Variants in SLCO3A1 observed in about 807,000 individuals in gnomAD.
The protein encoded by SLCO3A1 is solute carrier organic anion transporter family member 3A1, also known as PGE1 transporter.
SLCO3A1 carries 27 observed loss-of-function variants against 63.1 expected under a neutral mutation model. The ratio of observed to expected loss-of-function variants is 0.43; its 90% CI spans 0.32 to 0.59. The LOEUF is 0.59. SLCO3A1 is among the 20% of genes least tolerant of loss of function. The pLI is 0.09. For missense variants in SLCO3A1, 773 were observed against 945.8 expected (o/e 0.82, Z 2.40); for synonymous variants, 473 against 409.9 (o/e 1.15, Z -1.86).
At chr15:91,927,568 C>T (rs1449792005) in intron 2 of SLCO3A1, among the ~76,000 whole-genome samples, 1 of 152,112 alleles carries the variant, frequency 6.6e-6, no homozygotes, top group Non-Finnish European at 1.5e-5. Context: ...CCTCCTATTT[C>T]GGGTGTCGGG....
chr15:91,984,413 A>G (rs901393790), intron 2 of SLCO3A1, among the ~76,000 whole-genome samples: 1 of 152,216 alleles, frequency 6.6e-6, no homozygotes, highest in African/African-American at 2.4e-5. Context: ...ATTTCTGCAA[A>G]GTCTGGATAC....
chr15:92,064,022 C>G (rs944528543), intron 2 of SLCO3A1, among the ~76,000 whole-genome samples: 11 of 152,184 alleles, frequency 7.2e-5, no homozygotes, highest in African/African-American at 2.7e-4. Context: ...TGTGTTTACT[C>G]TGAGGTTATC....
rs115253570 is a variant in SLCO3A1 at position 92,085,666 on chromosome 15, C to T, written c.647-9215C>T. 3.8e-3 allele frequency among the ~76,000 whole-genome samples: 584 copies of T among 152,314 alleles called. 6 individuals carry two copies. Among genetic ancestry groups the T allele is most frequent in the African/African-American group, 0.013 (557 of 41,570 alleles). ...TAAAATCACGTTTTCTTGCCTGAAA[C>T]GTAGATACACAGCTTACACGTTGTT... is the stretch of plus-strand genomic sequence containing the variant. On this transcript the variant is annotated intron_variant, in intron 2 of 9. Transcript: ENST00000318445.
chr15:91,937,683 C>T (rs1180519641), intron 2 of SLCO3A1, among the ~76,000 whole-genome samples: 1 of 147,488 alleles, frequency 6.8e-6, no homozygotes, highest in Non-Finnish European at 1.5e-5. Context: ...CATGCTACTA[C>T]ACTCCAGCCC....
intron 2 of SLCO3A1, among the ~76,000 whole-genome samples, chr15:91,923,736 A>G (rs766355136): frequency 1.3e-5 from 2 of 152,382 alleles, no homozygotes; most frequent in Admixed American, 6.5e-5. Flanking sequence ...GTAGTTAGGT[A>G]TATTTTATTC....
rs755192245 is a variant in SLCO3A1, at chr15:92,163,087, T to C, written c.2085T>C (p.Tyr695=). 1.9e-6 allele frequency: 3 copies of C among 1,545,186 alleles called. No individual in the cohort carries two copies. Among genetic ancestry groups the C allele is most frequent in the Non-Finnish European group, 2.6e-6 (3 of 1,148,094 alleles). ...AGACACATAGGACAAAGTTTATCTA[T>C]AACCTGGAAGACCATGAGTGGTGTG... is the stretch of plus-strand genomic sequence containing the variant. ...ANQTHRTKFI[Y]NLEDHEWCEN... The change falls in exon 10 of 10, where the codon TAT becomes TAC. Residue 695 remains tyrosine, a synonymous_variant. Transcript: ENST00000318445.
intron 8 of SLCO3A1, 43 bp downstream of exon 8, chr15:92,147,202 G>A (rs753009054): frequency 1.3e-5 from 20 of 1,570,794 alleles, no homozygotes; most frequent in African/African-American, 2.7e-5. Flanking sequence ...TTTCCACCTG[G>A]TGTTCATCTG....
Position 92,138,297 on chromosome 15 carries a change from T to C in SLCO3A1, c.1513-8687T>C, listed in dbSNP as rs1441084698. 6.0e-5 allele frequency among the ~76,000 whole-genome samples: 5 copies of C among 83,160 alleles called. 2 individuals are homozygous for C. Among genetic ancestry groups the C allele is most frequent in the Non-Finnish European group, 1.1e-4 (5 of 46,736 alleles). 54.6% of individuals were successfully genotyped at this position (83,160 alleles called of 152,430 possible). The stretch of plus-strand genomic sequence containing the variant: ...ATCAGATAGTTGTAGATATGTGGCG[T>C]TATTTCTGAGGGCTCTGTTCTGTTC... On this transcript the variant is annotated intron_variant, in intron 7 of 9. Transcript: ENST00000318445.
chr15:92,056,188 A>G (rs539906664), intron 2 of SLCO3A1, among the ~76,000 whole-genome samples: 62 of 152,124 alleles, frequency 4.1e-4, no homozygotes, highest in African/African-American at 1.4e-3. Context: ...CTTTATTTCC[A>G]GGTTCCGGTT....
At chr15:91,861,283 A>G (rs1347313802) in intron 1 of SLCO3A1, among the ~76,000 whole-genome samples, 1 of 152,198 alleles carries the variant, frequency 6.6e-6, no homozygotes, top group African/African-American at 2.4e-5. Flanking sequence ...GCCTTCATCC[A>G]TGAGTTCCAG....
intron 2 of SLCO3A1, among the ~76,000 whole-genome samples, chr15:91,951,973 G>C (rs1900015948): frequency 6.6e-6 from 1 of 152,148 alleles, no homozygotes; most frequent in Admixed American, 6.5e-5. Flanking sequence ...CTGCTAAACT[G>C]TCTTCCAAAG....
Position 91,926,558 on chromosome 15 carries a change from CGT to C in SLCO3A1, c.646+10138_646+10139del, listed in dbSNP as rs565234731. 7.3e-3 allele frequency among the ~76,000 whole-genome samples: 922 copies of C among 126,016 alleles called. 10 individuals are homozygous for C. The highest frequency in any genetic ancestry group is 0.044 in the East Asian group (170 of 3,904). The allele number at this position is 126,016 out of a possible 152,430, so 82.7% of individuals were successfully genotyped here. A position where few individuals can be genotyped will look rare whatever the true frequency, so the allele number is the denominator to read the frequency against. On this transcript the variant is annotated intron_variant, in intron 2 of 9. Transcript: ENST00000318445. ...CTTTGCCATTTCATTCCTGCCAAGC[CGT>C]GTGTGTGTGTGTGTGTGTGTGTGTG...
intron 2 of SLCO3A1, among the ~76,000 whole-genome samples, chr15:92,094,123 T>TCCCAGAATG (rs2047510490): frequency 6.6e-6 from 1 of 152,220 alleles, no homozygotes; most frequent in Non-Finnish European, 1.5e-5. Context: ...TCAGTACTTT[T>TCCCAGAATG]CCCAGAATGT....
At chr15:92,066,677 CT>C (rs2047156161) in intron 2 of SLCO3A1, among the ~76,000 whole-genome samples, 1 of 152,162 alleles carries the variant, frequency 6.6e-6, no homozygotes, top group East Asian at 1.9e-4. Flanking sequence ...TAGCGCCTGC[CT>C]TGTAGAATTG....
intron 2 of SLCO3A1, among the ~76,000 whole-genome samples, chr15:91,992,376 C>T (rs1352945275): frequency 6.6e-6 from 1 of 152,166 alleles, no homozygotes; most frequent in African/African-American, 2.4e-5. Flanking sequence ...AAGCAGCGTT[C>T]TAGAGTTATT....
In SLCO3A1 at chr15:91,867,369, C is replaced by G. The variant is rs370598087; in HGVS notation, c.180+13281C>G. 7.8e-4 allele frequency among the ~76,000 whole-genome samples: 118 copies of G among 152,244 alleles called. 5 individuals are homozygous for G. In the East Asian group the frequency reaches 0.018, roughly 23 times the overall value. On this transcript the variant is annotated intron_variant, in intron 1 of 9. Transcript: ENST00000318445. ...ATGCTGTGCTCACCAGTATGGGTGC[C>G]ACATGGGAGGGGGGCAAATATAGGG... is the stretch of plus-strand genomic sequence containing the variant.
intron 2 of SLCO3A1, among the ~76,000 whole-genome samples, chr15:92,047,525 A>ATATAT (rs1491103003): frequency 1.2e-4 from 3 of 25,010 alleles, no homozygotes; most frequent in African/African-American, 5.9e-4. Context: ...ATACATAAAT[A>ATATAT]AATATATAAA....
At chr15:92,066,586 CTGTT>C (rs1032545507) in intron 2 of SLCO3A1, among the ~76,000 whole-genome samples, 6 of 152,310 alleles carry the variant, frequency 3.9e-5, no homozygotes, top group Admixed American at 3.9e-4. Context: ...TCTATTTACT[CTGTT>C]TGTGTGGATC....
rs536734187 is a variant in SLCO3A1 at position 92,122,294 on chromosome 15, T to G, written c.1174+1665T>G. On this transcript the variant is annotated intron_variant, in intron 5 of 9. Coordinates refer to ENST00000318445, the MANE Select transcript of SLCO3A1 (RefSeq NM_013272.4). ...TGGGGGCAGCTACAGCTCCACAGACTTCGTCTTCTCTGTAAAGTAGGAGTC... is the reference window on the plus strand; with the variant it reads ...TGGGGGCAGCTACAGCTCCACAGACGTCGTCTTCTCTGTAAAGTAGGAGTC... Among the ~76,000 whole-genome samples the G allele has an allele frequency of 4.6e-5, 7 of 152,300 alleles. No individual in the cohort carries two copies. In the South Asian group the frequency reaches 1.5e-3, roughly 32 times the overall value.
Sources: gnomAD v4.1 joint callset for allele counts (sites outside exome capture counted in the v4.1 genomes callset) on GRCh38, gnomAD v4.1.1 for gene constraint, MANE v1.5 for transcripts, NCBI Gene and HGNC (gene_info 2026-07-23, HGNC 2026-07-21) for gene names.